S100A5: variants seen among roughly 807,000 people sequenced by gnomAD.
S100A5 encodes the protein protein S100-A5.
Under a neutral mutation model 6.7 loss-of-function variants are expected in S100A5, and 5 were observed. The observed-to-expected ratio is 0.75, with a 90% CI of 0.39 to 1.57. The LOEUF (loss-of-function observed/expected upper bound fraction) is 1.57. Ranked by LOEUF, S100A5 falls within the 40% of genes most tolerant of loss-of-function variation. S100A5 has a pLI of 0.03. For missense variants in S100A5, 129 were observed against 110.8 expected (o/e 1.16, Z -0.74); for synonymous variants, 49 against 44.9 (o/e 1.09, Z -0.37).
Position 153,540,307 on chromosome 1 carries a change from C to G in S100A5, c.-14-102G>C, listed in dbSNP as rs187842533. ...CCTCAAAGAACAAGAGACTGGAACC[C>G]AGGATGAGACTGAAATCCACTAACA... On this transcript the variant is annotated intron_variant, in intron 1 of 2. Transcript: ENST00000368717. The G allele has an allele frequency of 1.0e-4, 123 of 1,207,124 alleles. No homozygotes were observed. In the African/African-American group the frequency reaches 1.5e-3, roughly 14 times the overall value. 74.8% of individuals were successfully genotyped at this position (1,207,124 alleles called of 1,614,324 possible). A position where few individuals can be genotyped will look rare whatever the true frequency, so the allele number is the denominator to read the frequency against.
Position 153,537,375 on chromosome 1 carries a change from A to T in S100A5, c.200T>A (p.Ile67Asn), listed in dbSNP as rs747450680. 3 of 1,614,096 alleles carry T rather than the reference A, an allele frequency of 1.9e-6. No individual in the cohort carries two copies. Among genetic ancestry groups the T allele is most frequent in the Non-Finnish European group, 2.5e-6 (3 of 1,180,012 alleles). ...KSLDKNSDQE[I>N]DFKEYSVFLT... is the part of the protein sequence containing the mutation. ...GAACACCGAGTACTCCTTGAAGTCGATCTCCTGGTCGCTGTTCTTGTCCAG... is the reference window on the plus strand; with the variant it reads ...GAACACCGAGTACTCCTTGAAGTCGTTCTCCTGGTCGCTGTTCTTGTCCAG... Residue 67 changes from isoleucine (I) to asparagine (N), a missense_variant, in exon 3 of 3, where the codon ATC becomes AAC. Coordinates refer to ENST00000368717, the MANE Select transcript of S100A5 (RefSeq NM_001394232.1).
At chr1:153,543,317 C>G (rs1665447787), upstream of S100A5, 1 of 984,514 alleles carries the variant, frequency 1.0e-6, no homozygotes, top group Non-Finnish European at 1.2e-6. Flanking sequence ...GGTTCAAGAT[C>G]CTGCCAGAGG....
rs1314024024 is a variant in S100A5 at position 153,539,456 on chromosome 1, T to A, written c.138+598A>T. ...AAAAAAAAAAAAAAAAAAAAATATA[T>A]ATATATATATATATATATATTTATT... On this transcript the variant is annotated intron_variant, in intron 2 of 2. Coordinates refer to ENST00000368717, the MANE Select transcript of S100A5 (RefSeq NM_001394232.1). 5.8e-3 allele frequency among the ~76,000 whole-genome samples: 640 copies of A among 109,716 alleles called. 15 individuals are homozygous for A. The highest frequency in any genetic ancestry group is 0.03 in the African/African-American group (613 of 20,596). 72.0% of individuals were successfully genotyped at this position (109,716 alleles called of 152,430 possible).
rs867543948 is a variant in S100A5, at chr1:153,537,418, C to T, written c.157G>A (p.Asp53Asn). 11 of 1,613,966 alleles carry T rather than the reference C, an allele frequency of 6.8e-6. No homozygotes were observed. The Middle Eastern group carries it at 8.2e-4, about 121-fold the overall frequency. Residue 53 changes from aspartate (D) to asparagine (N), a missense_variant, in exon 3 of 3, where the codon GAT becomes AAT. Asp to Asn is a conservative substitution (Grantham distance 23). Coordinates refer to ENST00000368717, the MANE Select transcript of S100A5 (RefSeq NM_001394232.1). ...TTGTCCAGGCTCTTCATCAAGTCAT[C>T]GATGCTGCTCTCCTTCATCTTTTGT... The part of the protein sequence containing the change: ...CLGEMKESSI[D>N]DLMKSLDKNS...
At chr1:153,541,657 T>G (rs1665392577), upstream of S100A5, 1 of 1,150,396 alleles carries the variant, frequency 8.7e-7, no homozygotes. Flanking sequence ...TCCCAGAAAC[T>G]TTACTCTTCT....
chr1:153,541,884 A>T, upstream of S100A5: 2 of 1,008,816 alleles, frequency 2.0e-6, no homozygotes, highest in Non-Finnish European at 2.4e-6. Flanking sequence ...GGATCAGTGG[A>T]GGAAGATATT....
At position 153,537,457 on chromosome 1, in the gene S100A5, G is replaced by A. The variant is rs189759602; in HGVS notation, c.139-21C>T. 5.3e-4 allele frequency: 860 copies of A among 1,613,432 alleles called. 11 individuals are homozygous for A. In the East Asian group the frequency reaches 0.018, roughly 34 times the overall value. Reference sequence around the variant, plus strand: ...TTCATCTTTTGTGGACCCAGGTGGAGAGACAGCTCAGACCCCGCTCCCAGC... The same window carrying A: ...TTCATCTTTTGTGGACCCAGGTGGAAAGACAGCTCAGACCCCGCTCCCAGC... On this transcript the variant is annotated intron_variant, in intron 2 of 2. Transcript: ENST00000368717.
rs768022289 is a variant in S100A5, at chr1:153,539,473, A to ATATT, written c.138+577_138+580dup. Among the ~76,000 whole-genome samples the ATATT allele has an allele frequency of 8.5e-4, 98 of 115,068 alleles. 2 individuals are homozygous for ATATT. The highest frequency in any genetic ancestry group is 4.8e-3 in the Middle Eastern group (1 of 210). 75.5% of individuals were successfully genotyped at this position (115,068 alleles called of 152,430 possible). On this transcript the variant is annotated intron_variant, in intron 2 of 2. Transcript: ENST00000368717. ...AAAATATATATATATATATATATAT[A>ATATT]TATTTATTTATTTATTTATCCTCGG...
rs146999976 is a variant in S100A5 at position 153,537,353 on chromosome 1, C to T, written c.222G>A (p.Val74=). The change falls in exon 3 of 3, where the codon GTG becomes GTA. Residue 74 remains valine, a synonymous_variant. Transcript: ENST00000368717. ...AGGCCATGCACAGCATGGTCAGGAA[C>T]ACCGAGTACTCCTTGAAGTCGATCT... The part of the protein sequence containing the change: ...DQEIDFKEYS[V]FLTMLCMAYN... 1.2e-6 allele frequency: 2 copies of T among 1,614,098 alleles called. No individual in the cohort carries two copies. The highest frequency in any genetic ancestry group is 1.7e-6 in the Non-Finnish European group (2 of 1,180,038).
intron 2 of S100A5, among the ~76,000 whole-genome samples, chr1:153,539,084 C>G (rs923001290): frequency 2.0e-5 from 3 of 152,036 alleles, no homozygotes; most frequent in African/African-American, 7.3e-5. Context: ...GAGCCATGAT[C>G]GCACCACTGC....
At chr1:153,538,636 G>A (rs1665269613) in intron 2 of S100A5, among the ~76,000 whole-genome samples, 1 of 152,168 alleles carries the variant, frequency 6.6e-6, no homozygotes, top group Non-Finnish European at 1.5e-5. Flanking sequence ...CTGCCCATGT[G>A]GCACACTGTG....
Position 153,537,254 on chromosome 1 carries a change from C to A in S100A5, c.*42G>T. The A allele has an allele frequency of 2.5e-6, 4 of 1,596,202 alleles. No individual in the cohort carries two copies. Among genetic ancestry groups the A allele is most frequent in the Non-Finnish European group, 3.4e-6 (4 of 1,166,218 alleles). ...GGTCTGTGAGAGGAGCAGCCGAGGT[C>A]AGCAGCAAAGGGTGGAGGGTGAGGG... On this transcript the variant is annotated 3_prime_UTR_variant, in exon 3 of 3. Coordinates refer to ENST00000368717, the MANE Select transcript of S100A5 (RefSeq NM_001394232.1).
chr1:153,540,258 A>G (rs114132884), intron 1 of S100A5, 53 bp from the exon 2 acceptor site: 1 of 1,591,804 alleles, frequency 6.3e-7, no homozygotes, highest in Admixed American at 1.7e-5. Flanking sequence ...CACCAGCAGC[A>G]CTAGCCTACC....
At chr1:153,541,839 C>T (rs1170153238), upstream of S100A5, 2 of 1,039,942 alleles carry the variant, frequency 1.9e-6, no homozygotes, top group Non-Finnish European at 1.2e-6. Flanking sequence ...TCCTGCCACC[C>T]ACTCCAGGAG....
upstream of S100A5, chr1:153,541,304 T>TCAC: frequency 1.7e-6 from 2 of 1,159,646 alleles, no homozygotes; most frequent in African/African-American, 1.6e-5. Flanking sequence ...TTGGTGGAGG[T>TCAC]CACCACCACT....
At chr1:153,539,751 C>T (rs1227811626) in intron 2 of S100A5, among the ~76,000 whole-genome samples, 2 of 152,038 alleles carry the variant, frequency 1.3e-5, no homozygotes, top group Non-Finnish European at 2.9e-5. Flanking sequence ...CCACCCATGA[C>T]CCCTAGCACA....
At chr1:153,543,279 A>T, upstream of S100A5, 1 of 985,382 alleles carries the variant, frequency 1.0e-6, no homozygotes, top group African/African-American at 1.7e-5. Flanking sequence ...CCCAACCAGG[A>T]ACAGATATGA....
chr1:153,542,200 A>G (rs936993112), upstream of S100A5, among the ~76,000 whole-genome samples: 9 of 152,186 alleles, frequency 5.9e-5, no homozygotes, highest in African/African-American at 2.2e-4. Flanking sequence ...GTTCTACCAC[A>G]GTAGAACAAC....
intron 2 of S100A5, 61 bp downstream of exon 2, chr1:153,539,993 A>C: frequency 2.5e-6 from 4 of 1,587,646 alleles, no homozygotes; most frequent in Non-Finnish European, 2.6e-6. Flanking sequence ...GAGGGTAGGT[A>C]TGTGTCCCCC....
Sources: allele counts gnomAD v4.1 joint callset (sites outside exome capture counted in the v4.1 genomes callset), GRCh38; gene constraint gnomAD v4.1.1; transcripts MANE v1.5; gene names NCBI Gene and HGNC (gene_info 2026-07-23, HGNC 2026-07-21).